Variants in RNF17 observed in about 807,000 individuals in gnomAD.
The protein encoded by RNF17 is spermatogenesis associated 23.
Under a neutral mutation model 200.5 loss-of-function variants are expected in RNF17, and 31 were observed. That is an observed-to-expected ratio of 0.15 (90% CI 0.12 to 0.21). The LOEUF (loss-of-function observed/expected upper bound fraction) is 0.21, where lower values mean the gene tolerates loss of function less well. RNF17 is among the 10% of genes least tolerant of loss of function. RNF17 has a pLI of 1.00. For missense variants in RNF17, 1,628 were observed against 1,905.1 expected (o/e 0.85, Z 2.71); for synonymous variants, 606 against 637.8 (o/e 0.95, Z 0.75).
At chr13:24,876,225 G>T (rs890304591) in intron 33 of RNF17, among the ~76,000 whole-genome samples, 7 of 152,136 alleles carry the variant, frequency 4.6e-5, no homozygotes, top group African/African-American at 1.7e-4. Context: ...CTTATGTTGA[G>T]AAATAAAGTT....
intron 15 of RNF17, among the ~76,000 whole-genome samples, chr13:24,825,112 C>A (rs1168249914): frequency 6.6e-6 from 1 of 151,978 alleles, no homozygotes; most frequent in African/African-American, 2.4e-5. Context: ...CTGTCTTCAA[C>A]AAGACATGTT....
At chr13:24,783,533 CATTT>C (rs1882714741) in intron 6 of RNF17, among the ~76,000 whole-genome samples, 1 of 152,124 alleles carries the variant, frequency 6.6e-6, no homozygotes, top group Non-Finnish European at 1.5e-5. Flanking sequence ...GATGTCTTCT[CATTT>C]ATTTGTGTCT....
chr13:24,750,903 C>T, the RNF17 span: 1 of 152,186 alleles, frequency 6.6e-6, no homozygotes, highest in Non-Finnish European at 1.5e-5. Flanking sequence ...GAGATATCCA[C>T]TCGTCTACAT....
intron 5 of RNF17, among the ~76,000 whole-genome samples, chr13:24,780,807 G>C (rs190628742): frequency 6.6e-6 from 1 of 152,022 alleles, no homozygotes; most frequent in East Asian, 1.9e-4. Flanking sequence ...GCTTGAACCC[G>C]GGAGACGGAG....
chr13:24,770,556 A>G (rs901652692), intron 2 of RNF17, among the ~76,000 whole-genome samples: 6 of 152,322 alleles, frequency 3.9e-5, no homozygotes, highest in Non-Finnish European at 7.4e-5. Flanking sequence ...TTAAACCCCA[A>G]TTTTGGGGAA....
intron 15 of RNF17, among the ~76,000 whole-genome samples, chr13:24,807,918 C>T (rs1444961992): frequency 3.3e-5 from 5 of 151,878 alleles, no homozygotes; most frequent in Non-Finnish European, 7.4e-5. Flanking sequence ...TTCCCCATTG[C>T]TTGTTTTTCT....
chr13:24,762,755 C>G (rs956932140), upstream of RNF17, among the ~76,000 whole-genome samples: 1 of 152,158 alleles, frequency 6.6e-6, no homozygotes, highest in African/African-American at 2.4e-5. Context: ...CGTGCCACCT[C>G]CAGGTGTTTT....
chr13:24,828,034 C>T (rs534638756), intron 16 of RNF17, among the ~76,000 whole-genome samples: 1 of 152,214 alleles, frequency 6.6e-6, no homozygotes, highest in South Asian at 2.1e-4. Context: ...AAAAACATTC[C>T]AGTGATTGCA....
At chr13:24,873,085 A>G (rs930785546) in intron 32 of RNF17, among the ~76,000 whole-genome samples, 1 of 152,210 alleles carries the variant, frequency 6.6e-6, no homozygotes, top group Non-Finnish European at 1.5e-5. Context: ...TAAAAATTCA[A>G]TTCTGGTAGT....
chr13:24,821,508 T>G (rs931634802), intron 15 of RNF17, among the ~76,000 whole-genome samples: 1 of 152,206 alleles, frequency 6.6e-6, no homozygotes, highest in Non-Finnish European at 1.5e-5. Context: ...TTGAGCCCCT[T>G]AGGCTCTGTT....
intron 11 of RNF17, among the ~76,000 whole-genome samples, chr13:24,797,720 G>GTGTGTGTGTC (rs1884767593): frequency 1.3e-5 from 2 of 150,822 alleles, no homozygotes; most frequent in East Asian, 3.9e-4. Flanking sequence ...GTGTGTGTGT[G>GTGTGTGTGTC]TGTGTGTGTG....
chr13:24,880,000 C>A (rs1432122787), downstream of RNF17: 1 of 152,158 alleles, frequency 6.6e-6, no homozygotes, highest in African/African-American at 2.4e-5. Flanking sequence ...TCATTTTATA[C>A]CTAATGATTC....
At chr13:24,848,528 G>A (rs922690990) in intron 22 of RNF17, among the ~76,000 whole-genome samples, 2 of 152,230 alleles carry the variant, frequency 1.3e-5, no homozygotes, top group Non-Finnish European at 2.9e-5. Flanking sequence ...CAGGTGTGGT[G>A]GCAGGCACCT....
At chr13:24,866,250 TA>T (rs778673447) in intron 30 of RNF17, 47 bp downstream of exon 30, 2 of 1,012,974 alleles carry the variant, frequency 2.0e-6, no homozygotes, top group South Asian at 1.4e-5. Flanking sequence ...ACTTCATTAA[TA>T]AAAAGGATCT....
At chr13:24,786,294 C>T (rs979876245) in intron 6 of RNF17, among the ~76,000 whole-genome samples, 5 of 152,160 alleles carry the variant, frequency 3.3e-5, no homozygotes, top group Admixed American at 6.5e-5. Flanking sequence ...TATAAAACCT[C>T]TACTGCTTTA....
chr13:24,755,909 T>C, the RNF17 span, among the ~76,000 whole-genome samples: 2 of 152,216 alleles, frequency 1.3e-5, no homozygotes, highest in African/African-American at 4.8e-5. Flanking sequence ...ATTTTAGTTA[T>C]AGGTAAAGTC....
intron 15 of RNF17, among the ~76,000 whole-genome samples, chr13:24,813,775 A>G (rs73465096): frequency 0.018 from 2,513 of 143,370 alleles, 86 homozygotes; most frequent in African/African-American, 0.064. Context: ...AACTGCAGGC[A>G]TGCAGCACAG....
At chr13:24,886,565 G>A in the RNF17 span, among the ~76,000 whole-genome samples, 1 of 152,160 alleles carries the variant, frequency 6.6e-6, no homozygotes, top group Non-Finnish European at 1.5e-5. Flanking sequence ...AAAAAGTACT[G>A]GGAGTACACA....
At chr13:24,887,143 G>T in the RNF17 span, among the ~76,000 whole-genome samples, 1 of 152,162 alleles carries the variant, frequency 6.6e-6, no homozygotes, top group African/African-American at 2.4e-5. Context: ...AAGAAGCACT[G>T]CCCAAAGGGA....
Sources: allele counts gnomAD v4.1 joint callset (sites outside exome capture counted in the v4.1 genomes callset), GRCh38; gene constraint gnomAD v4.1.1; transcripts MANE v1.5; gene names NCBI Gene and HGNC (gene_info 2026-07-23, HGNC 2026-07-21).